MDGA2: variants seen among roughly 807,000 people sequenced by gnomAD.
MDGA2 encodes MAM domain-containing glycosylphosphatidylinositol anchor protein 2.
MDGA2 carries 40 observed loss-of-function variants against 117.8 expected under a neutral mutation model. The observed-to-expected ratio is 0.34, with a 90% CI of 0.26 to 0.44. The LOEUF (loss-of-function observed/expected upper bound fraction) is 0.44. MDGA2 is among the 20% of genes least tolerant of loss of function. The probability of loss-of-function intolerance (pLI) is 1.00; values close to 1 mark genes in which losing one functional copy is unlikely to be tolerated. For synonymous variants in MDGA2, 452 were observed against 439.0 expected, an observed-to-expected ratio of 1.03 and a Z score of -0.37; for missense variants, 1,123 against 1,250.6, an observed-to-expected ratio of 0.90 and a Z score of 1.54.
rs1555369475 is a variant in MDGA2, at chr14:47,280,343, A to AAAG, written c.420+21067_420+21068insCTT. Among the ~76,000 whole-genome samples, 369 of 137,136 alleles carry AAAG rather than the reference A, an allele frequency of 2.7e-3. 5 individuals are homozygous for AAAG. The highest frequency in any genetic ancestry group is 4.5e-3 in the Non-Finnish European group (285 of 62,858). The allele number at this position is 137,136 out of a possible 152,430, so 90.0% of individuals were successfully genotyped here. ...AAAAAAAAAAAAAAAAAAAAAAAAA[A>AAAG]AGAGAGATTGTCAGACATCGATCTA... On this transcript the variant is annotated intron_variant, in intron 2 of 16. Transcript: ENST00000399232.
chr14:46,954,976 T>C (rs1885507205), intron 9 of MDGA2, among the ~76,000 whole-genome samples: 1 of 152,082 alleles, frequency 6.6e-6, no homozygotes, highest in Non-Finnish European at 1.5e-5. Context: ...TTTTCTTTTC[T>C]AGATCAAGAA....
chr14:47,026,745 T>A (rs944477014), intron 8 of MDGA2, among the ~76,000 whole-genome samples: 3 of 152,144 alleles, frequency 2.0e-5, no homozygotes, highest in African/African-American at 7.2e-5. Context: ...GGCACAGAAC[T>A]TTTATAGTCA....
intron 10 of MDGA2, among the ~76,000 whole-genome samples, chr14:46,885,166 C>G (rs1882624793): frequency 6.6e-6 from 1 of 151,804 alleles, no homozygotes; most frequent in Admixed American, 6.6e-5. Flanking sequence ...CTTTCTTAAA[C>G]AGAATAGGGA....
At chr14:47,672,727 A>G (rs1415851179) in intron 1 of MDGA2, among the ~76,000 whole-genome samples, 1 of 152,244 alleles carries the variant, frequency 6.6e-6, no homozygotes, top group Non-Finnish European at 1.5e-5. Flanking sequence ...GCATGGGATG[A>G]GAAGAATTCA....
chr14:47,674,480 A>G, intron 1 of MDGA2, 37 bp downstream of exon 1: 2 of 1,522,718 alleles, frequency 1.3e-6, no homozygotes, highest in Non-Finnish European at 1.8e-6. Context: ...CTTGCCTAAG[A>G]ATCACAAGGT....
chr14:47,017,533 C>A (rs1358500815), intron 8 of MDGA2, among the ~76,000 whole-genome samples: 12 of 151,814 alleles, frequency 7.9e-5, no homozygotes, highest in African/African-American at 2.9e-4. Flanking sequence ...AGGATTTAAC[C>A]AACCCTGAAA....
chr14:47,171,198 G>T (rs1046685938), intron 3 of MDGA2, among the ~76,000 whole-genome samples: 8 of 152,018 alleles, frequency 5.3e-5, no homozygotes, highest in African/African-American at 1.7e-4. Flanking sequence ...CATAATCTCT[G>T]AAGAGATTGT....
intron 4 of MDGA2, among the ~76,000 whole-genome samples, chr14:47,140,401 T>G (rs907094849): frequency 6.6e-6 from 1 of 151,834 alleles, no homozygotes; most frequent in Non-Finnish European, 1.5e-5. Context: ...AACAACAAAG[T>G]TGGCATCATA....
At chr14:47,427,391 C>T (rs1892712805) in intron 1 of MDGA2, among the ~76,000 whole-genome samples, 1 of 152,110 alleles carries the variant, frequency 6.6e-6, no homozygotes, top group African/African-American at 2.4e-5. Flanking sequence ...CTATGATCTT[C>T]AAATGCCACG....
intron 1 of MDGA2, among the ~76,000 whole-genome samples, chr14:47,357,221 C>T (rs943174824): frequency 6.6e-6 from 1 of 152,102 alleles, no homozygotes; most frequent in African/African-American, 2.4e-5. Context: ...CATAACGAAA[C>T]CAACCACTAT....
intron 8 of MDGA2, among the ~76,000 whole-genome samples, chr14:47,013,484 C>T (rs754496653): frequency 6.6e-6 from 1 of 151,858 alleles, no homozygotes; most frequent in African/African-American, 2.4e-5. Flanking sequence ...ATCTTGAATC[C>T]CTCCTCCATA....
intron 3 of MDGA2, chr14:47,201,033 A>C (rs1248910325): frequency 9.0e-7 from 1 of 1,107,850 alleles, no homozygotes; most frequent in African/African-American, 1.5e-5. Context: ...GTACCTGTTT[A>C]GCCACAATGG....
At chr14:47,153,494 G>A (rs1320158852) in intron 3 of MDGA2, among the ~76,000 whole-genome samples, 1 of 152,224 alleles carries the variant, frequency 6.6e-6, no homozygotes, top group East Asian at 1.9e-4. Flanking sequence ...AGGTAAGAAA[G>A]TTGAGTTCTG....
chr14:47,241,025 T>C (rs1887021753), intron 2 of MDGA2, among the ~76,000 whole-genome samples: 1 of 151,894 alleles, frequency 6.6e-6, no homozygotes, highest in African/African-American at 2.4e-5. Flanking sequence ...TTGCTCCAGA[T>C]ATGTTTGTTG....
At chr14:47,179,527 A>T (rs972942778) in intron 3 of MDGA2, among the ~76,000 whole-genome samples, 1 of 152,050 alleles carries the variant, frequency 6.6e-6, no homozygotes, top group Non-Finnish European at 1.5e-5. Flanking sequence ...ACATCCCTGT[A>T]TTAATTCGAG....
At chr14:46,967,892 G>T (rs987702865) in intron 8 of MDGA2, among the ~76,000 whole-genome samples, 1 of 152,124 alleles carries the variant, frequency 6.6e-6, no homozygotes, top group African/African-American at 2.4e-5. Flanking sequence ...TGTAAATATA[G>T]TCCCTCCTCT....
At chr14:47,647,563 C>T (rs2138261421) in intron 1 of MDGA2, among the ~76,000 whole-genome samples, 1 of 152,246 alleles carries the variant, frequency 6.6e-6, no homozygotes, top group East Asian at 1.9e-4. Flanking sequence ...CTTTTATAAA[C>T]ACTGTATACA....
intron 1 of MDGA2, among the ~76,000 whole-genome samples, chr14:47,644,346 A>C (rs1897485300): frequency 6.6e-6 from 1 of 152,246 alleles, no homozygotes; most frequent in Non-Finnish European, 1.5e-5. Context: ...AAATGGATAA[A>C]GAAAATGTGA....
At chr14:47,067,205 T>C (rs756833636) in intron 6 of MDGA2, among the ~76,000 whole-genome samples, 21 of 152,184 alleles carry the variant, frequency 1.4e-4, no homozygotes, top group Admixed American at 3.9e-4. Flanking sequence ...TCCCAAACTT[T>C]TCAGAGCTTT....
Sources: allele counts gnomAD v4.1 joint callset (sites outside exome capture counted in the v4.1 genomes callset), GRCh38; gene constraint gnomAD v4.1.1; transcripts MANE v1.5; gene names NCBI Gene and HGNC (gene_info 2026-07-23, HGNC 2026-07-21).